KHDRBS3: variants seen among roughly 807,000 people sequenced by gnomAD.
KHDRBS3 encodes the protein KH RNA binding domain containing, signal transduction associated 3.
In KHDRBS3, 23 loss-of-function variants were observed where a neutral mutation model predicts 45.6. The ratio of observed to expected loss-of-function variants is 0.50; its 90% confidence interval spans 0.36 to 0.72. The LOEUF is 0.72. Among genes scored for constraint, KHDRBS3 ranks in the 30% least tolerant of loss-of-function variants. The pLI, the probability that KHDRBS3 is intolerant of heterozygous loss-of-function variation, is 0.00. For synonymous variants in KHDRBS3, 162 were observed against 156.5 expected, an observed-to-expected ratio of 1.04 and a Z score of -0.26; for missense variants, 352 against 424.8, an observed-to-expected ratio of 0.83 and a Z score of 1.51.
intron 7 of KHDRBS3, among the ~76,000 whole-genome samples, chr8:135,617,898 T>TTA (rs1256822280): frequency 6.6e-6 from 1 of 152,214 alleles, no homozygotes; most frequent in Non-Finnish European, 1.5e-5. Context: ...TTTAGATTGT[T>TTA]TAGAGTCCTA....
chr8:135,545,199 G>A (rs1007861749), intron 3 of KHDRBS3, among the ~76,000 whole-genome samples: 7 of 152,044 alleles, frequency 4.6e-5, no homozygotes, highest in Non-Finnish European at 7.4e-5. Context: ...CCTTTCCCCT[G>A]GGTTTAACAT....
chr8:135,621,556 A>G (rs1021855168), intron 7 of KHDRBS3, among the ~76,000 whole-genome samples: 1 of 152,242 alleles, frequency 6.6e-6, no homozygotes, highest in Non-Finnish European at 1.5e-5. Flanking sequence ...CTGCAGGGGC[A>G]GGAATCTTCA....
At chr8:135,583,044 T>C (rs1828291777) in intron 6 of KHDRBS3, among the ~76,000 whole-genome samples, 1 of 152,210 alleles carries the variant, frequency 6.6e-6, no homozygotes, top group Non-Finnish European at 1.5e-5. Flanking sequence ...CAGCCTAGAA[T>C]GGTGTTCTTA....
At chr8:135,503,199 A>G (rs538039868) in intron 1 of KHDRBS3, among the ~76,000 whole-genome samples, 1 of 152,372 alleles carries the variant, frequency 6.6e-6, no homozygotes, top group African/African-American at 2.4e-5. Context: ...ATACTTGTGT[A>G]TAATATAATA....
At chr8:135,640,320 T>G (rs1254044961) in intron 7 of KHDRBS3, among the ~76,000 whole-genome samples, 3 of 151,896 alleles carry the variant, frequency 2.0e-5, no homozygotes, top group Non-Finnish European at 4.4e-5. Flanking sequence ...GTTGCAGGAG[T>G]AGAGGAAAGA....
chr8:135,525,687 CAG>C lies in KHDRBS3; in HGVS notation c.207+4334_207+4335del, dbSNP rs371645582. ...AATTACGTTACAAACATTTCATAGA[CAG>C]ACTCATTACTCAAACAAAACATGAC... On this transcript the variant is annotated intron_variant, in intron 2 of 8. Transcript: ENST00000355849. Among the ~76,000 whole-genome samples the C allele has an allele frequency of 8.7e-4, 133 of 152,270 alleles. 2 individuals are homozygous for C. Among genetic ancestry groups the C allele is most frequent in the African/African-American group, 3.1e-3 (127 of 41,548 alleles).
chr8:135,535,260 C>G (rs923680963), intron 2 of KHDRBS3, among the ~76,000 whole-genome samples: 1 of 139,746 alleles, frequency 7.2e-6, no homozygotes, highest in African/African-American at 2.6e-5. Context: ...TATATATAAA[C>G]TATTATATAT....
intron 1 of KHDRBS3, among the ~76,000 whole-genome samples, chr8:135,506,937 T>A (rs1824029992): frequency 6.6e-6 from 1 of 152,118 alleles, no homozygotes; most frequent in Admixed American, 6.5e-5. Flanking sequence ...AGGATAAACA[T>A]TTTCGTTTAT....
intron 1 of KHDRBS3, among the ~76,000 whole-genome samples, chr8:135,470,560 G>A (rs1821963925): frequency 6.7e-6 from 1 of 150,182 alleles, no homozygotes; most frequent in Admixed American, 6.6e-5. Flanking sequence ...TTCCCCCTTG[G>A]TCAGGGTTTT....
chr8:135,587,114 T>G (rs13263789), intron 6 of KHDRBS3, among the ~76,000 whole-genome samples: 32,069 of 152,170 alleles, frequency 0.21, 3,988 homozygotes, highest in Middle Eastern at 0.3. Context: ...ACTTGACAAT[T>G]CTCAGGTATT....
chr8:135,471,418 G>A (rs1380387597), intron 1 of KHDRBS3, among the ~76,000 whole-genome samples: 1 of 152,190 alleles, frequency 6.6e-6, no homozygotes, highest in Non-Finnish European at 1.5e-5. Context: ...CCCTTGTTCA[G>A]TAAGGATCAC....
intron 1 of KHDRBS3, among the ~76,000 whole-genome samples, chr8:135,466,910 T>TA (rs1320220828): frequency 6.6e-6 from 1 of 152,246 alleles, no homozygotes; most frequent in African/African-American, 2.4e-5. Flanking sequence ...ACTGAGCCTC[T>TA]ATTCCCTCAT....
chr8:135,572,028 C>G (rs1827726124), intron 5 of KHDRBS3, among the ~76,000 whole-genome samples: 1 of 152,162 alleles, frequency 6.6e-6, no homozygotes, highest in Non-Finnish European at 1.5e-5. Context: ...AGCCCCTCAA[C>G]AGAGGACCGT....
rs144560423 is a variant in KHDRBS3, at chr8:135,511,546, TTTG to T, written c.89-9670_89-9668del. ...AATATTTGCTCTGTTTTTTTGTTTG[TTTG>T]TTGTTGTTGTTGTTGTTGTTTTTGG... On this transcript the variant is annotated intron_variant, in intron 1 of 8. Coordinates refer to ENST00000355849, the MANE Select transcript of KHDRBS3 (RefSeq NM_006558.3). 8.4e-3 allele frequency among the ~76,000 whole-genome samples: 1,275 copies of T among 151,780 alleles called. 19 individuals are homozygous for T. The highest frequency in any genetic ancestry group is 0.028 in the African/African-American group (1,151 of 41,378).
At chr8:135,639,896 G>C (rs772911831) in intron 7 of KHDRBS3, among the ~76,000 whole-genome samples, 3 of 152,146 alleles carry the variant, frequency 2.0e-5, no homozygotes, top group Non-Finnish European at 4.4e-5. Flanking sequence ...CCTCCAACAC[G>C]GGGGATTGCA....
At chr8:135,632,816 T>C (rs1222787521) in intron 7 of KHDRBS3, among the ~76,000 whole-genome samples, 2 of 152,158 alleles carry the variant, frequency 1.3e-5, no homozygotes. Context: ...TTGTCCTCTC[T>C]GCTCCAATTG....
chr8:135,643,567 T>A (rs1831155672), intron 7 of KHDRBS3, among the ~76,000 whole-genome samples: 1 of 152,208 alleles, frequency 6.6e-6, no homozygotes, highest in Non-Finnish European at 1.5e-5. Context: ...CATGCCCACA[T>A]GTTTGAGATA....
chr8:135,631,235 A>C lies in KHDRBS3; in HGVS notation c.891-13824A>C, dbSNP rs1206134709. Among the ~76,000 whole-genome samples, 3 of 121,866 alleles carry C rather than the reference A, an allele frequency of 2.5e-5. No homozygotes were observed. In the East Asian group the frequency reaches 8.8e-4, roughly 36 times the overall value. 79.9% of individuals were successfully genotyped at this position (121,866 alleles called of 152,430 possible). ...CACTGCACTCCAGCCTGGGCAACAG[A>C]GCGAGACTCCGTCTCGGAAAAAAAA... On this transcript the variant is annotated intron_variant, in intron 7 of 8. Coordinates refer to ENST00000355849, the MANE Select transcript of KHDRBS3 (RefSeq NM_006558.3).
rs976674397 is a variant in KHDRBS3 at position 135,622,087 on chromosome 8, C to A, written c.890+15050C>A. Among the ~76,000 whole-genome samples, 2 of 152,154 alleles carry A rather than the reference C, an allele frequency of 1.3e-5. 1 individual carries two copies. Among genetic ancestry groups the A allele is most frequent in the Non-Finnish European group, 2.9e-5 (2 of 68,028 alleles). ...TATTTTCCGTATAATTACATGCTCT[C>A]ATAATACCCAGCAGTTTTCCATCAT... On this transcript the variant is annotated intron_variant, in intron 7 of 8. Coordinates refer to ENST00000355849, the MANE Select transcript of KHDRBS3 (RefSeq NM_006558.3).
Sources: gnomAD v4.1 joint callset for allele counts (sites outside exome capture counted in the v4.1 genomes callset) on GRCh38, gnomAD v4.1.1 for gene constraint, MANE v1.5 for transcripts, NCBI Gene and HGNC (gene_info 2026-07-23, HGNC 2026-07-21) for gene names.